The following ECPAS variants were observed in gnomAD, a reference collection of about 807,000 sequenced individuals.
ECPAS encodes the protein Ecm29 proteasome adaptor and scaffold.
Under a neutral mutation model 255.1 loss-of-function variants are expected in ECPAS, and 70 were observed. The observed-to-expected ratio is 0.27, with a 90% CI of 0.23 to 0.33. The LOEUF (loss-of-function observed/expected upper bound fraction) is 0.33, where lower values mean the gene tolerates loss of function less well. Ranked by LOEUF, ECPAS falls within the 10% of genes least tolerant of loss-of-function variation. The pLI is 1.00. For synonymous variants in ECPAS, 784 were observed against 775.0 expected, an observed-to-expected ratio of 1.01 and a Z score of -0.19; for missense variants, 1,817 against 2,206.4, an observed-to-expected ratio of 0.82 and a Z score of 3.54.
chr9:111,409,659 G>C (rs1335992152), intron 23 of ECPAS, among the ~76,000 whole-genome samples: 1 of 151,500 alleles, frequency 6.6e-6, no homozygotes, highest in Non-Finnish European at 1.5e-5. Flanking sequence ...GAGGTGTTTT[G>C]ATCACAAAAC....
intron 2 of ECPAS, among the ~76,000 whole-genome samples, chr9:111,470,746 C>CCACACACACACACACA (rs57091815): frequency 1.9e-3 from 231 of 124,576 alleles, no homozygotes; most frequent in Non-Finnish European, 2.6e-3. Context: ...TCTCCTCCCG[C>CCACACACACACACACA]CACACACACA....
chr9:111,363,573 C>G lies in ECPAS; in HGVS notation c.5380+15G>C. On this transcript the variant is annotated intron_variant, in intron 49 of 49. Coordinates refer to ENST00000684092, the MANE Select transcript of ECPAS (RefSeq NM_001364929.1). ...TGGCTTTATGGTCCCCCAGTCAGAA[C>G]TAACAACAACTTACCTTCAAGTTTT... is the stretch of plus-strand genomic sequence containing the variant. 6.6e-7 allele frequency: 1 copy of G among 1,524,116 alleles called. No homozygotes were observed. Among genetic ancestry groups the G allele is most frequent in the Non-Finnish European group, 9.0e-7 (1 of 1,105,730 alleles). The allele number at this position is 1,524,116 out of a possible 1,614,324, so 94.4% of individuals were successfully genotyped here.
Position 111,361,506 on chromosome 9 carries a change from C to A in ECPAS, c.*524G>T. ...AGTTTCTTGGGTAAGCCGGGGTTAG[C>A]ACTGATTTGGCAGATGGCCATAAAA... is the stretch of plus-strand genomic sequence containing the variant. On this transcript the variant is annotated 3_prime_UTR_variant, in exon 50 of 50. Coordinates refer to ENST00000684092, the MANE Select transcript of ECPAS (RefSeq NM_001364929.1). The A allele has an allele frequency of 6.6e-6, 1 of 152,506 alleles. No individual in the cohort carries two copies. Among genetic ancestry groups the A allele is most frequent in the Non-Finnish European group, 1.5e-5 (1 of 68,190 alleles). The allele number at this position is 152,506 out of a possible 1,614,324, so 9.4% of individuals were successfully genotyped here.
Position 111,410,093 on chromosome 9 carries a change from T to C in ECPAS, c.2498A>G (p.His833Arg). Residue 833 changes from histidine to arginine, a missense_variant, in exon 23 of 50, where the codon CAT (histidine) becomes CGT (arginine). Physicochemically the swap from His to Arg is conservative, Grantham distance 29. Transcript: ENST00000684092. ...PSEGSGFTKL[H>R]LVESLLSRIP... The stretch of plus-strand genomic sequence containing the variant: ...TCTACTTAGTAAGCTTTCTACAAGA[T>C]GCAATTTGGTAAAGCCAGATCCCTC... 2.5e-6 allele frequency: 4 copies of C among 1,595,798 alleles called. No individual in the cohort carries two copies. The highest frequency in any genetic ancestry group is 3.4e-6 in the Non-Finnish European group (4 of 1,170,656).
Position 111,377,336 on chromosome 9 carries a change from G to A in ECPAS, c.3955-795C>T, listed in dbSNP as rs1036605333. ...AACAGTCAAATAGAAAAATAGACAT[G>A]GAACATAAACACAATCACAGAAGAA... On this transcript the variant is annotated intron_variant, in intron 36 of 49. Transcript: ENST00000684092. 4.5e-4 allele frequency among the ~76,000 whole-genome samples: 68 copies of A among 152,128 alleles called. 1 individual carries two copies. The highest frequency in any genetic ancestry group is 1.5e-3 in the African/African-American group (64 of 41,496).
At chr9:111,442,162 TAC>T in intron 5 of ECPAS, 142 bp downstream of exon 5, 1 of 539,888 alleles carries the variant, frequency 1.9e-6, no homozygotes, top group Non-Finnish European at 3.3e-6. Flanking sequence ...AACTTTGAGG[TAC>T]CACGGAAAAT....
chr9:111,444,650 A>G (rs1335933562), intron 3 of ECPAS, among the ~76,000 whole-genome samples, 156 bp from the exon 4 acceptor site: 3 of 152,234 alleles, frequency 2.0e-5, no homozygotes, highest in Non-Finnish European at 2.9e-5. Flanking sequence ...GGGAGTATAC[A>G]CTACATGAAT....
intron 24 of ECPAS, among the ~76,000 whole-genome samples, chr9:111,403,470 T>C (rs2098179365): frequency 6.6e-6 from 1 of 150,512 alleles, no homozygotes; most frequent in Non-Finnish European, 1.5e-5. Flanking sequence ...TAACTATACT[T>C]GCATCAGATA....
chr9:111,393,393 T>C (rs2098163078), intron 27 of ECPAS, among the ~76,000 whole-genome samples: 1 of 152,222 alleles, frequency 6.6e-6, no homozygotes, highest in Non-Finnish European at 1.5e-5. Flanking sequence ...GGAGAGATAC[T>C]AATGTTAAAG....
intron 20 of ECPAS, among the ~76,000 whole-genome samples, chr9:111,413,502 A>G (rs903810815): frequency 1.3e-5 from 2 of 152,196 alleles, no homozygotes; most frequent in African/African-American, 4.8e-5. Flanking sequence ...ATAAGTGGTC[A>G]CTTATATATG....
rs368677246 is a variant in ECPAS, at chr9:111,383,347, G to C, written c.3682-15C>G. 4 of 1,601,506 alleles carry C rather than the reference G, an allele frequency of 2.5e-6. No individual in the cohort carries two copies. The highest frequency in any genetic ancestry group is 2.6e-6 in the Non-Finnish European group (3 of 1,172,580). On this transcript the variant is annotated splice_polypyrimidine_tract_variant and intron_variant, in intron 34 of 49. Coordinates refer to ENST00000684092, the MANE Select transcript of ECPAS (RefSeq NM_001364929.1). ...TTCACACAGACCTCACATACAAAGA[G>C]CATGGACGTTAGTGAAAGTGACCGC...
At chr9:111,467,569 T>A (rs2098281098) in intron 2 of ECPAS, among the ~76,000 whole-genome samples, 1 of 152,146 alleles carries the variant, frequency 6.6e-6, no homozygotes, top group African/African-American at 2.4e-5. Flanking sequence ...AATTTTAAAA[T>A]ACAAATCAGG....
chr9:111,434,013 T>C (rs1429486824), intron 7 of ECPAS, among the ~76,000 whole-genome samples: 2 of 152,214 alleles, frequency 1.3e-5, no homozygotes, highest in Non-Finnish European at 2.9e-5. Context: ...AATGTGAAGA[T>C]GCTATGAATT....
Position 111,391,835 on chromosome 9 carries a change from ACAATAATTT to A in ECPAS, c.3093-20_3093-12del. ...ACTTCATGTTTAACTCTAAACCAAAACAATAATTTCAATAAGCTTCAAGCTTTTCATACC... is the reference window on the plus strand; with the variant it reads ...ACTTCATGTTTAACTCTAAACCAAAACAATAAGCTTCAAGCTTTTCATACC... On this transcript the variant is annotated splice_polypyrimidine_tract_variant and intron_variant, in intron 28 of 49. Coordinates refer to ENST00000684092, the MANE Select transcript of ECPAS (RefSeq NM_001364929.1). The A allele has an allele frequency of 6.4e-7, 1 of 1,571,010 alleles. No homozygotes were observed. The highest frequency in any genetic ancestry group is 1.3e-5 in the African/African-American group (1 of 74,314).
At chr9:111,474,287 C>G (rs993053012) in intron 1 of ECPAS, among the ~76,000 whole-genome samples, 1 of 152,236 alleles carries the variant, frequency 6.6e-6, no homozygotes, top group Non-Finnish European at 1.5e-5. Flanking sequence ...GCTACACTCT[C>G]TGTTACTCCT....
At chr9:111,438,432 CCT>C (rs1298264862) in intron 6 of ECPAS, among the ~76,000 whole-genome samples, 4 of 151,124 alleles carry the variant, frequency 2.6e-5, no homozygotes, top group African/African-American at 7.2e-5. Flanking sequence ...TTGGTGACCC[CCT>C]ATCTCTACAA....
intron 27 of ECPAS, 138 bp from the exon 28 acceptor site, chr9:111,393,020 C>T (rs2131618127): frequency 1.7e-6 from 1 of 604,894 alleles, no homozygotes; most frequent in Non-Finnish European, 3.0e-6. Context: ...AATCAATATG[C>T]CTATTTTGTT....
At chr9:111,398,806 G>T (rs1424603469) in intron 24 of ECPAS, among the ~76,000 whole-genome samples, 3 of 152,106 alleles carry the variant, frequency 2.0e-5, no homozygotes, top group Admixed American at 2.0e-4. Context: ...GCATGGTGGT[G>T]TAAGCCTGTA....
intron 16 of ECPAS, among the ~76,000 whole-genome samples, chr9:111,419,710 A>G (rs1316916242): frequency 6.6e-6 from 1 of 151,112 alleles, no homozygotes; most frequent in Non-Finnish European, 1.5e-5. Flanking sequence ...TTACACACGC[A>G]ATCATATAAT....
Sources: allele counts gnomAD v4.1 joint callset (sites outside exome capture counted in the v4.1 genomes callset), GRCh38; gene constraint gnomAD v4.1.1; transcripts MANE v1.5; gene names NCBI Gene and HGNC (gene_info 2026-07-23, HGNC 2026-07-21).